CDCP2: variants seen among roughly 807,000 people sequenced by gnomAD.
The protein encoded by CDCP2 is CUB domain containing protein 2.
A neutral mutation model predicts 31.0 loss-of-function variants in CDCP2; 31 were observed. The ratio of observed to expected loss-of-function variants is 1.00; its 90% CI spans 0.75 to 1.35. The LOEUF is 1.35. Ranked by LOEUF, CDCP2 falls within the 40% of genes most tolerant of loss-of-function variation. The probability of loss-of-function intolerance (pLI) is 0.00; values close to 1 mark genes in which losing one functional copy is unlikely to be tolerated. For missense variants in CDCP2, 443 were observed against 482.6 expected (o/e 0.92, Z 0.77); for synonymous variants, 206 against 207.9 (o/e 0.99, Z 0.08).
At chr1:54,133,467 G>C (rs1176084661) in intron 5 of CDCP2, among the ~76,000 whole-genome samples, 173 bp from the exon 6 acceptor site, 1 of 152,242 alleles carries the variant, frequency 6.6e-6, no homozygotes, top group African/African-American at 2.4e-5. Context: ...AAGGTAAGCT[G>C]TCTGGAAGGA....
In CDCP2 at chr1:54,133,897, A is replaced by AAAC. The variant is rs1553173240; in HGVS notation, c.1297-604_1297-603insGTT. Among the ~76,000 whole-genome samples the AAAC allele has an allele frequency of 4.5e-4, 15 of 33,434 alleles. No homozygotes were observed. In the East Asian group the frequency reaches 0.03, roughly 66 times the overall value. The allele number at this position is 33,434 out of a possible 152,430, so 21.9% of individuals were successfully genotyped here. A position where few individuals can be genotyped will look rare whatever the true frequency, so the allele number is the denominator to read the frequency against. On this transcript the variant is annotated intron_variant, in intron 5 of 5. Transcript: ENST00000530059. ...TGGGACAGAGTGAGACTCCATCTCAAAAACAAACAAACAAACAAAAAAAAC... is the reference window on the plus strand; with the variant it reads ...TGGGACAGAGTGAGACTCCATCTCAAAACAAACAAACAAACAAACAAAAAAAAC...
At position 54,147,854 on chromosome 1, in the gene CDCP2, A is replaced by T. The variant is rs946799047; in HGVS notation, c.80-3041T>A. 4.6e-5 allele frequency among the ~76,000 whole-genome samples: 7 copies of T among 151,626 alleles called. No individual in the cohort carries two copies. In the East Asian group the frequency reaches 9.7e-4, roughly 21 times the overall value. On this transcript the variant is annotated intron_variant, in intron 1 of 5. Transcript: ENST00000530059. ...TAAGACCCCCATCTCTACAAAAAAA[A>T]TTTAAAAATTAGCCGGGCATGGTGG...
chr1:54,152,734 A>G (rs1464072814), intron 1 of CDCP2, 110 bp downstream of exon 1: 2 of 980,048 alleles, frequency 2.0e-6, no homozygotes, highest in East Asian at 4.9e-5. Context: ...CACGTCCCCT[A>G]AAAGGACCTC....
intron 1 of CDCP2, among the ~76,000 whole-genome samples, chr1:54,146,871 T>A (rs1570069597): frequency 6.6e-6 from 1 of 151,660 alleles, no homozygotes; most frequent in African/African-American, 2.4e-5. Flanking sequence ...AGCTCACCAG[T>A]TCGAGACCAG....
At chr1:54,146,554 T>G (rs190523347) in intron 1 of CDCP2, among the ~76,000 whole-genome samples, 68 of 152,008 alleles carry the variant, frequency 4.5e-4, no homozygotes, top group African/African-American at 1.4e-3. Context: ...CAGTGTGAAC[T>G]TGATTATTTT....
chr1:54,152,959 A>G (rs113545038), upstream of CDCP2: 20 of 1,597,398 alleles, frequency 1.3e-5, no homozygotes, highest in African/African-American at 1.9e-4. Context: ...TGCCGAGCTC[A>G]GGTAGGCCAG....
At chr1:54,133,765 G>A (rs1259979610) in intron 5 of CDCP2, among the ~76,000 whole-genome samples, 12 of 151,862 alleles carry the variant, frequency 7.9e-5, no homozygotes, top group Non-Finnish European at 2.9e-5. Context: ...GCGTGATGGT[G>A]TGCGCCTGTA....
intron 5 of CDCP2, among the ~76,000 whole-genome samples, chr1:54,135,849 G>C (rs911536858): frequency 6.6e-5 from 10 of 152,202 alleles, no homozygotes; most frequent in Non-Finnish European, 1.5e-4. Context: ...TTGCTGGAAA[G>C]CACATAATTT....
exon 4 of CDCP2, chr1:54,140,068 A>G (rs1157747645): frequency 3.7e-6 from 6 of 1,613,428 alleles, no homozygotes; most frequent in Non-Finnish European, 5.1e-6. Context: ...GGGCTGGAGA[A>G]GTTGCCCCGC....
intron 5 of CDCP2, among the ~76,000 whole-genome samples, chr1:54,133,922 C>CAAAAAAAA (rs58882302): frequency 4.0e-5 from 6 of 148,576 alleles, no homozygotes; most frequent in Admixed American, 1.3e-4. Context: ...ACAAAAAAAA[C>CAAAAAAAA]CCCATGTTAC....
intron 2 of CDCP2, chr1:54,142,703 G>A (rs190997932): frequency 1.3e-5 from 2 of 152,334 alleles, no homozygotes; most frequent in East Asian, 3.9e-4. Context: ...TGTAACTTTA[G>A]GAAGGCCCTC....
intron 4 of CDCP2, chr1:54,139,356 G>A: frequency 1.6e-6 from 1 of 615,218 alleles, no homozygotes; most frequent in Non-Finnish European, 2.9e-6. Context: ...AATGATACAA[G>A]CAGGGCTGGT....
At chr1:54,133,634 C>T (rs555899022) in intron 5 of CDCP2, among the ~76,000 whole-genome samples, 16 of 152,300 alleles carry the variant, frequency 1.1e-4, no homozygotes, top group South Asian at 6.2e-4. Flanking sequence ...CGGTGGCTCA[C>T]GCCTGTAATC....
At chr1:54,150,875 G>A (rs955399023) in intron 1 of CDCP2, among the ~76,000 whole-genome samples, 4 of 152,196 alleles carry the variant, frequency 2.6e-5, no homozygotes, top group African/African-American at 4.8e-5. Context: ...AGACACATTC[G>A]CTAAACATGT....
intron 1 of CDCP2, among the ~76,000 whole-genome samples, chr1:54,146,374 T>C (rs375426111): frequency 6.6e-6 from 1 of 151,704 alleles, no homozygotes; most frequent in African/African-American, 2.4e-5. Flanking sequence ...GAGACAGGGT[T>C]TCACCATTTT....
chr1:54,142,934 C>A (rs1659399729), intron 2 of CDCP2: 1 of 152,170 alleles, frequency 6.6e-6, no homozygotes. Context: ...ACTTTAATAT[C>A]TTTAACAAGA....
intron 1 of CDCP2, among the ~76,000 whole-genome samples, chr1:54,148,573 G>A (rs1034072212): frequency 1.3e-5 from 2 of 151,588 alleles, no homozygotes; most frequent in Non-Finnish European, 2.9e-5. Context: ...GAAGTCTCTG[G>A]ATCTGTCTAC....
intron 3 of CDCP2, chr1:54,140,769 A>C: frequency 4.2e-6 from 1 of 240,812 alleles, no homozygotes. Context: ...TGTGCCAGGT[A>C]CAAAGATAAG....
At chr1:54,152,686 T>TC (rs1659604029) in intron 1 of CDCP2, among the ~76,000 whole-genome samples, 158 bp downstream of exon 1, 1 of 152,064 alleles carries the variant, frequency 6.6e-6, no homozygotes, top group Admixed American at 6.6e-5. Context: ...CAATATTGTC[T>TC]CCCCCCATCT....
Sources: allele counts gnomAD v4.1 joint callset (sites outside exome capture counted in the v4.1 genomes callset), GRCh38; gene constraint gnomAD v4.1.1; transcripts MANE v1.5; gene names NCBI Gene and HGNC (gene_info 2026-07-23, HGNC 2026-07-21).